The following PRR12 variants were observed in gnomAD, a reference collection of about 807,000 sequenced individuals.
PRR12 encodes proline rich 12, also known as proline-rich protein 12.
Under a neutral mutation model 138.0 loss-of-function variants are expected in PRR12, and 12 were observed. The observed-to-expected ratio is 0.09, with a 90% confidence interval of 0.06 to 0.14. The LOEUF is 0.14. PRR12 is among the 10% of genes least tolerant of loss of function. The probability of loss-of-function intolerance (pLI) is 1.00; values close to 1 mark genes in which losing one functional copy is unlikely to be tolerated. For missense variants in PRR12, 2,692 were observed against 2,861.3 expected, an observed-to-expected ratio of 0.94 and a Z score of 1.35; for synonymous variants, 1,567 against 1,291.7, an observed-to-expected ratio of 1.21 and a Z score of -4.57.
intron 6 of PRR12, among the ~76,000 whole-genome samples, chr19:49,607,814 T>G (rs1251991979): frequency 6.6e-6 from 1 of 150,810 alleles, no homozygotes; most frequent in Non-Finnish European, 1.5e-5. Context: ...AGGTCCGGAG[T>G]TCAAGACCAG....
In PRR12 at chr19:49,593,400, C is replaced by G. The variant is rs758600606; in HGVS notation, c.160C>G (p.His54Asp). 1 of 1,611,626 alleles carries G rather than the reference C, an allele frequency of 6.2e-7. No individual in the cohort carries two copies. The highest frequency in any genetic ancestry group is 1.7e-5 in the Admixed American group (1 of 59,932). Residue 54 changes from histidine to aspartate, a missense_variant, in exon 2 of 14, where the codon CAC becomes GAC. Coordinates refer to ENST00000418929, the MANE Select transcript of PRR12 (RefSeq NM_020719.3). ...ILHRQAYAAP[H>D]PLQSYATNHH... is the part of the protein sequence containing the mutation. The stretch of plus-strand genomic sequence containing the variant: ...ACACCGCCAGGCCTATGCGGCCCCC[C>G]ACCCACTGCAAAGCTATGCCACCAA...
intron 10 of PRR12, among the ~76,000 whole-genome samples, 193 bp from the exon 11 acceptor site, chr19:49,621,332 G>T (rs1316614802): frequency 2.7e-5 from 4 of 149,278 alleles, no homozygotes; most frequent in Non-Finnish European, 6.0e-5. Flanking sequence ...GCGGCTGGGG[G>T]TCTGGACTCC....
chr19:49,625,091 C>G lies in PRR12; in HGVS notation c.5869-14C>G, dbSNP rs1335306871. The G allele has an allele frequency of 7.4e-6, 12 of 1,612,268 alleles. No homozygotes were observed. The highest frequency in any genetic ancestry group is 1.3e-5 in the African/African-American group (1 of 74,928). On this transcript the variant is annotated splice_polypyrimidine_tract_variant and intron_variant, in intron 12 of 13. Transcript: ENST00000418929. The surrounding 1 kb of genome is among the most constrained non-coding windows in gnomAD (Gnocchi z 5.5). ...CCGGGCTGGAGGGGCTGAGGCATCT[C>G]CACTCCTACCCAGGAGTTCAAGGTT...
Position 49,595,088 on chromosome 19 carries a change from T to G in PRR12, c.753T>G (p.Ser251=), listed in dbSNP as rs1163704999. The G allele has an allele frequency of 3.6e-5, 58 of 1,610,856 alleles. No individual in the cohort carries two copies. Among genetic ancestry groups the G allele is most frequent in the Non-Finnish European group, 4.2e-5 (50 of 1,179,450 alleles). ...LPTQFNLLAS[S]SAAAAAAEQS... Reference sequence around the variant, plus strand: ...CTCAGTTCAACCTGCTGGCTTCCTCTTCCGCTGCCGCCGCCGCTGCCGAGC... The same window carrying G: ...CTCAGTTCAACCTGCTGGCTTCCTCGTCCGCTGCCGCCGCCGCTGCCGAGC... The change falls in exon 4 of 14, where the codon TCT becomes TCG. Residue 251 remains serine, a synonymous_variant. Coordinates refer to ENST00000418929, the MANE Select transcript of PRR12 (RefSeq NM_020719.3).
chr19:49,601,441 T>C (rs1004755705), intron 5 of PRR12, 50 bp from the exon 6 acceptor site: 70 of 1,011,062 alleles, frequency 6.9e-5, no homozygotes, highest in Non-Finnish European at 9.6e-5. Flanking sequence ...AGAGGAAAGG[T>C]GCCAGGAATG....
rs1352275484 is a variant in PRR12 at position 49,616,571 on chromosome 19, G to A, written c.5497+352G>A. On this transcript the variant is annotated intron_variant, in intron 9 of 13. Coordinates refer to ENST00000418929, the MANE Select transcript of PRR12 (RefSeq NM_020719.3). The surrounding 1 kb of genome is among the most constrained non-coding windows in gnomAD (Gnocchi z 4.2). ...CTCGGACTCTGTTCTTCAGTGCTGCGTTCTGCCTCATAATAGGCAAGATTT... is the reference window on the plus strand; with the variant it reads ...CTCGGACTCTGTTCTTCAGTGCTGCATTCTGCCTCATAATAGGCAAGATTT... Among the ~76,000 whole-genome samples the A allele has an allele frequency of 3.3e-5, 5 of 152,134 alleles. No individual in the cohort carries two copies. The South Asian group carries it at 8.3e-4, about 25-fold the overall frequency.
rs1214792161 is a variant in PRR12, at chr19:49,612,212, GA to G, written c.4774-2320del. Reference sequence around the variant, plus strand: ...GCCACTGCACTCCAGCCTGGCGACAGAGCAAGACTCTGTCTCAAAAAAAAAA... The same window carrying G: ...GCCACTGCACTCCAGCCTGGCGACAGGCAAGACTCTGTCTCAAAAAAAAAA... On this transcript the variant is annotated intron_variant, in intron 6 of 13. Coordinates refer to ENST00000418929, the MANE Select transcript of PRR12 (RefSeq NM_020719.3). Among the ~76,000 whole-genome samples the G allele has an allele frequency of 5.7e-3, 816 of 144,370 alleles. 24 individuals are homozygous for G. The highest frequency in any genetic ancestry group is 0.041 in the Admixed American group (577 of 14,074). The allele number at this position is 144,370 out of a possible 152,430, so 94.7% of individuals were successfully genotyped here.
intron 4 of PRR12, among the ~76,000 whole-genome samples, chr19:49,598,930 G>T (rs973018238): frequency 1.3e-5 from 2 of 152,112 alleles, no homozygotes; most frequent in African/African-American, 2.4e-5. Flanking sequence ...AAGGTGCTGG[G>T]ATTACAGGCA....
At chr19:49,624,713 T>C in intron 11 of PRR12, 131 bp from the exon 12 acceptor site, 1 of 1,345,232 alleles carries the variant, frequency 7.4e-7, no homozygotes, top group African/African-American at 1.5e-5. Flanking sequence ...CTCTGTCCTT[T>C]GAGGAGACTC....
chr19:49,591,313 C>A lies in PRR12; in HGVS notation c.-342C>A, dbSNP rs1370804587. On this transcript the variant is annotated 5_prime_UTR_variant, in exon 1 of 14. Coordinates refer to ENST00000418929, the MANE Select transcript of PRR12 (RefSeq NM_020719.3). ...ACCCCGGGGCCGCCCGGGACGCCCCCTCCCGAGCGCGCGCCCCCCCTTTTC... is the reference window on the plus strand; with the variant it reads ...ACCCCGGGGCCGCCCGGGACGCCCCATCCCGAGCGCGCGCCCCCCCTTTTC... 6.6e-6 allele frequency among the ~76,000 whole-genome samples: 1 copy of A among 150,888 alleles called. No homozygotes were observed. The highest frequency in any genetic ancestry group is 1.5e-5 in the Non-Finnish European group (1 of 67,548).
At position 49,615,138 on chromosome 19, in the gene PRR12, A is replaced by G. The variant is rs759524172; in HGVS notation, c.5024+129A>G. The G allele has an allele frequency of 5.9e-4, 792 of 1,339,696 alleles. 1 individual carries two copies. The highest frequency in any genetic ancestry group is 7.7e-4 in the Non-Finnish European group (757 of 983,676). 83.0% of individuals were successfully genotyped at this position (1,339,696 alleles called of 1,614,324 possible). ...GAGAGGAGACAGAGCCCAGAGAGAGAGGGGGACAGAGACCCGGAGAGAAAT... is the reference window on the plus strand; with the variant it reads ...GAGAGGAGACAGAGCCCAGAGAGAGGGGGGGACAGAGACCCGGAGAGAAAT... On this transcript the variant is annotated intron_variant, in intron 8 of 13. Transcript: ENST00000418929.
chr19:49,596,239 G>A lies in PRR12; in HGVS notation c.1904G>A (p.Arg635His), dbSNP rs768447373. ...LAGPGGPPAE[R>H]TEDEEFLIQH... ...GGCCCAGGTGGGCCTCCTGCGGAGCGCACAGAGGATGAGGAGTTCCTTATC... is the reference window on the plus strand; with the variant it reads ...GGCCCAGGTGGGCCTCCTGCGGAGCACACAGAGGATGAGGAGTTCCTTATC... The change falls in exon 4 of 14, where the codon CGC becomes CAC. Residue 635 changes from arginine to histidine, a missense_variant. Physicochemically the swap from Arg to His is conservative, Grantham distance 29. This residue lies in a region of PRR12 where 840 missense variants were observed against 689.8 expected (regional missense o/e 1.22). Coordinates refer to ENST00000418929, the MANE Select transcript of PRR12 (RefSeq NM_020719.3). The surrounding 1 kb of genome is among the most constrained non-coding windows in gnomAD (Gnocchi z 5.6). 53 of 1,610,726 alleles carry A rather than the reference G, an allele frequency of 3.3e-5. No individual in the cohort carries two copies. The highest frequency in any genetic ancestry group is 3.9e-5 in the Non-Finnish European group (46 of 1,179,604).
intron 9 of PRR12, among the ~76,000 whole-genome samples, chr19:49,618,295 G>T (rs1466952950): frequency 6.6e-6 from 1 of 151,894 alleles, no homozygotes; most frequent in African/African-American, 2.4e-5. Context: ...ATCAAGCTCT[G>T]TGTCCTGGCT....
In PRR12 at chr19:49,593,398, C is replaced by T; in HGVS notation, c.158C>T (p.Pro53Leu). ...TTACACCGCCAGGCCTATGCGGCCC[C>T]CCACCCACTGCAAAGCTATGCCACC... ...DILHRQAYAA[P>L]HPLQSYATNH... Residue 53 changes from proline (P) to leucine (L), a missense_variant, in exon 2 of 14, where the codon CCC becomes CTC. Physicochemically the swap from Pro to Leu is moderately conservative, Grantham distance 98 (BLOSUM62 -3). Transcript: ENST00000418929. The T allele has an allele frequency of 6.2e-7, 1 of 1,611,894 alleles. No individual in the cohort carries two copies. Among genetic ancestry groups the T allele is most frequent in the Non-Finnish European group, 8.5e-7 (1 of 1,178,938 alleles).
At position 49,619,436 on chromosome 19, in the gene PRR12, T is replaced by C. The variant is rs1030627929; in HGVS notation, c.5498-916T>C. Among the ~76,000 whole-genome samples, 3 of 149,682 alleles carry C rather than the reference T, an allele frequency of 2.0e-5. No individual in the cohort carries two copies. In the Middle Eastern group the frequency reaches 0.01, roughly 520 times the overall value. On this transcript the variant is annotated intron_variant, in intron 9 of 13. Coordinates refer to ENST00000418929, the MANE Select transcript of PRR12 (RefSeq NM_020719.3). ...TTTTAGTAGAGACAGGGTTTCTCCA[T>C]GTTGGTCAGGCTGGTCTCGAACTCC...
chr19:49,610,731 G>T (rs1186595110), intron 6 of PRR12, among the ~76,000 whole-genome samples: 1 of 151,916 alleles, frequency 6.6e-6, no homozygotes, highest in African/African-American at 2.4e-5. Context: ...TTTTAGTAGA[G>T]ACGGGGTTTC....
rs533447137 is a variant in PRR12, at chr19:49,591,502, C to T, written c.-153C>T. ...CTCCCTCCCCCGCCCGGGGCCTTCC[C>T]GGGCCTTCGGCGGCTGCAAAGAAAA... On this transcript the variant is annotated 5_prime_UTR_variant, in exon 1 of 14. Coordinates refer to ENST00000418929, the MANE Select transcript of PRR12 (RefSeq NM_020719.3). The T allele has an allele frequency of 2.5e-5, 11 of 432,752 alleles. No homozygotes were observed. The Admixed American group carries it at 4.2e-4, about 16-fold the overall frequency. 26.8% of individuals were successfully genotyped at this position (432,752 alleles called of 1,614,324 possible).
In PRR12 at chr19:49,594,328, AT is replaced by A; in HGVS notation, c.200-123del. ...TTGGTTCTATCCATCTTGTTTTTGA[AT>A]TTGCCCTTTTCTCTCCCATCCCCTC... On this transcript the variant is annotated intron_variant, in intron 2 of 13. Transcript: ENST00000418929. The surrounding 1 kb of genome is among the most constrained non-coding windows in gnomAD (Gnocchi z 5.6). 1.2e-6 allele frequency: 1 copy of A among 835,480 alleles called. No homozygotes were observed. Among genetic ancestry groups the A allele is most frequent in the East Asian group, 2.7e-5 (1 of 36,548 alleles). 51.8% of individuals were successfully genotyped at this position (835,480 alleles called of 1,614,324 possible).
At chr19:49,604,509 C>T (rs1599792792) in intron 6 of PRR12, among the ~76,000 whole-genome samples, 1 of 151,996 alleles carries the variant, frequency 6.6e-6, no homozygotes, top group East Asian at 1.9e-4. Flanking sequence ...GAAAGCCCAT[C>T]TCTACTAAAA....
Sources: allele counts gnomAD v4.1 joint callset (sites outside exome capture counted in the v4.1 genomes callset), GRCh38; gene constraint gnomAD v4.1.1; regional missense constraint gnomAD v4.1.1; non-coding constraint Gnocchi (gnomAD v3.1); transcripts MANE v1.5; gene names NCBI Gene and HGNC (gene_info 2026-07-23, HGNC 2026-07-21).